Variants in ZNF845 observed in about 807,000 individuals in gnomAD.
The protein encoded by ZNF845 is zinc finger protein 845.
A neutral mutation model predicts 76.1 loss-of-function variants in ZNF845; 59 were observed. That is an observed-to-expected ratio of 0.78 (90% confidence interval 0.63 to 0.96). The LOEUF (loss-of-function observed/expected upper bound fraction) is 0.96, where lower values mean the gene tolerates loss of function less well. Among genes scored for constraint, ZNF845 ranks in the 40% least tolerant of loss-of-function variants. The pLI is 0.00. For missense variants in ZNF845, 1,045 were observed against 1,172.8 expected (o/e 0.89, Z 1.59); for synonymous variants, 361 against 386.9 (o/e 0.93, Z 0.78).
In ZNF845 at chr19:53,352,481, T is replaced by C; in HGVS notation, c.1806T>C (p.Asn602=). The C allele has an allele frequency of 6.2e-7, 1 of 1,612,990 alleles. No individual in the cohort carries two copies. The change falls in exon 4 of 4, where the codon AAT becomes AAC. Residue 602 remains asparagine, a synonymous_variant. Coordinates refer to ENST00000458035, the MANE Select transcript of ZNF845 (RefSeq NM_138374.3). ...TTGCAAATCATTGGAGAATCCATAA[T>C]GAAGAGAGATCGTACAAGTGTAATA... ...TTIANHWRIH[N]EERSYKCNRC...
rs1351868716 is a variant in ZNF845, at chr19:53,351,618, G to A, written c.943G>A (p.Val315Ile). The change falls in exon 4 of 4, where the codon GTA becomes ATA. Residue 315 changes from valine to isoleucine, a missense_variant. Physicochemically the swap from Val to Ile is conservative, Grantham distance 29 (BLOSUM62 3). Transcript: ENST00000458035. ...GKTFSRNSAL[V>I]IHKAIHTGEK... ...GACCTTCAGTCGAAATTCAGCCCTTGTAATTCATAAGGCAATTCATACTGG... is the reference window on the plus strand; with the variant it reads ...GACCTTCAGTCGAAATTCAGCCCTTATAATTCATAAGGCAATTCATACTGG... 4 of 1,613,854 alleles carry A rather than the reference G, an allele frequency of 2.5e-6. No individual in the cohort carries two copies. The highest frequency in any genetic ancestry group is 2.7e-5 in the African/African-American group (2 of 74,874).
intron 2 of ZNF845, among the ~76,000 whole-genome samples, chr19:53,344,934 C>T (rs941067215): frequency 3.9e-5 from 6 of 152,062 alleles, no homozygotes; most frequent in South Asian, 4.1e-4. Context: ...GCACTGTGCC[C>T]GGCTCCTGCA....
At chr19:53,349,515 G>A (rs1049728034) in intron 3 of ZNF845, among the ~76,000 whole-genome samples, 24 of 151,466 alleles carry the variant, frequency 1.6e-4, no homozygotes, top group Non-Finnish European at 2.6e-4. Flanking sequence ...TGATCTGCCC[G>A]CCTCAGCCTC....
chr19:53,340,635 G>T (rs555073384), intron 1 of ZNF845, among the ~76,000 whole-genome samples: 84 of 152,266 alleles, frequency 5.5e-4, no homozygotes, highest in African/African-American at 1.9e-3. Flanking sequence ...GTTTATAAGG[G>T]TTTTAATTTG....
chr19:53,344,635 T>TTATGTTATGTTATGTTATGTTATGTTGTG (rs60902095), intron 2 of ZNF845, among the ~76,000 whole-genome samples: 1 of 145,252 alleles, frequency 6.9e-6, no homozygotes, highest in Non-Finnish European at 1.5e-5. Context: ...TTTATTTTAT[T>TTATGTTATGTTATGTTATGTTATGTTGTG]TTATTTTATT....
chr19:53,334,695 G>T (rs988882965), intron 1 of ZNF845, among the ~76,000 whole-genome samples: 2 of 149,348 alleles, frequency 1.3e-5, no homozygotes, highest in Non-Finnish European at 3.0e-5. Context: ...GAGTCCAGGA[G>T]TTCAAGACCG....
Position 53,351,792 on chromosome 19 carries a change from C to T in ZNF845, c.1117C>T (p.His373Tyr). The T allele has an allele frequency of 6.2e-7, 1 of 1,613,636 alleles. No individual in the cohort carries two copies. Among genetic ancestry groups the T allele is most frequent in the Non-Finnish European group, 8.5e-7 (1 of 1,179,914 alleles). The stretch of plus-strand genomic sequence containing the variant: ...CAGTTTCAAATCAAACCTTGAAAGA[C>T]ATAGGAAAATTCATACTGGAGAGAA... ...AFSFKSNLER[H>Y]RKIHTGEKPY... Residue 373 changes from histidine (H) to tyrosine (Y), a missense_variant, in exon 4 of 4, where the codon CAT becomes TAT. Transcript: ENST00000458035.
chr19:53,340,867 C>A, intron 1 of ZNF845: 1 of 374,594 alleles, frequency 2.7e-6, no homozygotes, highest in Non-Finnish European at 4.8e-6. Flanking sequence ...GTTGCTCCTG[C>A]CTCAAGGCGT....
chr19:53,334,132 T>C (rs1207268087), intron 1 of ZNF845, among the ~76,000 whole-genome samples: 1 of 152,168 alleles, frequency 6.6e-6, no homozygotes, highest in African/African-American at 2.4e-5. Context: ...CCCAGTCTTG[T>C]CTTAAGGCGC....
intron 1 of ZNF845, among the ~76,000 whole-genome samples, chr19:53,336,892 A>G (rs2085219274): frequency 6.6e-6 from 1 of 152,184 alleles, no homozygotes; most frequent in South Asian, 2.1e-4. Context: ...TATTTATTGG[A>G]AACCTTTAAC....
chr19:53,352,512 G>A lies in ZNF845; in HGVS notation c.1837G>A (p.Gly613Ser). 6.2e-7 allele frequency: 1 copy of A among 1,608,692 alleles called. No individual in the cohort carries two copies. Among genetic ancestry groups the A allele is most frequent in the Non-Finnish European group, 8.5e-7 (1 of 1,177,246 alleles). ...GAGATCGTACAAGTGTAATAGATGT[G>A]GCAAATTTTTCAGACATCGTTCATA... ...EERSYKCNRC[G>S]KFFRHRSYLA... Residue 613 changes from glycine to serine, a missense_variant, in exon 4 of 4, where the codon GGC becomes AGC. Transcript: ENST00000458035.
rs991475711 is a variant in ZNF845, at chr19:53,351,611, A to G, written c.936A>G (p.Ser312=). Residue 312 remains serine, a synonymous_variant, in exon 4 of 4, where the codon TCA becomes TCG. Coordinates refer to ENST00000458035, the MANE Select transcript of ZNF845 (RefSeq NM_138374.3). ...SECGKTFSRN[S]ALVIHKAIHT... The stretch of plus-strand genomic sequence containing the variant: ...GTGGCAAGACCTTCAGTCGAAATTC[A>G]GCCCTTGTAATTCATAAGGCAATTC... 2 of 1,613,966 alleles carry G rather than the reference A, an allele frequency of 1.2e-6. No individual in the cohort carries two copies. The highest frequency in any genetic ancestry group is 1.3e-5 in the African/African-American group (1 of 74,922).
chr19:53,337,147 T>C (rs1253129574), intron 1 of ZNF845: 1 of 456,812 alleles, frequency 2.2e-6, no homozygotes, highest in East Asian at 6.9e-5. Context: ...TCATATTTGC[T>C]TTTCTCTTTT....
chr19:53,343,967 C>A (rs143403102), intron 2 of ZNF845, among the ~76,000 whole-genome samples: 2 of 152,088 alleles, frequency 1.3e-5, no homozygotes. Flanking sequence ...CCACAGGTGC[C>A]TGCCACCATG....
At position 53,345,523 on chromosome 19, in the gene ZNF845, G is replaced by T. The variant is rs1050253383; in HGVS notation, c.33G>T (p.Arg11Ser). The T allele has an allele frequency of 5.6e-6, 9 of 1,613,338 alleles. No homozygotes were observed. The highest frequency in any genetic ancestry group is 6.8e-6 in the Non-Finnish European group (8 of 1,179,560). Residue 11 changes from arginine to serine, a missense_variant, in exon 3 of 4, where the codon AGG becomes AGT. Transcript: ENST00000458035. MALSQGLLTF[R>S]DVAIEFSQEE... ...CATTTCAGGGTCTATTGACATTCAGGGATGTGGCCATAGAATTCTCTCAGG... is the reference window on the plus strand; with the variant it reads ...CATTTCAGGGTCTATTGACATTCAGTGATGTGGCCATAGAATTCTCTCAGG...
At chr19:53,346,341 AGTGCCGTATGTGATCTTGGCTCACC>A (rs1311110266) in intron 3 of ZNF845, 1 of 426,772 alleles carries the variant, frequency 2.3e-6, no homozygotes, top group Non-Finnish European at 4.7e-6. Context: ...CCAAGGCAGC[AGTGCCGTATGTGATCTTGGCTCACC>A]GCAGCCGGCT....
intron 3 of ZNF845, among the ~76,000 whole-genome samples, chr19:53,347,154 G>A (rs1427522885): frequency 6.6e-6 from 1 of 152,086 alleles, no homozygotes; most frequent in Non-Finnish European, 1.5e-5. Context: ...TTAAAGTGCT[G>A]GGATTACAGG....
chr19:53,351,855 C>T lies in ZNF845; in HGVS notation c.1180C>T (p.Arg394Trp), dbSNP rs1478935278. The change falls in exon 4 of 4, where the codon CGG becomes TGG. Residue 394 changes from arginine to tryptophan, a missense_variant. By Grantham distance (101) the Arg-to-Trp change is moderately radical (BLOSUM62 -3). Coordinates refer to ENST00000458035, the MANE Select transcript of ZNF845 (RefSeq NM_138374.3). ...KCNECSRTFSRKSSLTRHRRL... is the reference protein window; with the variant it reads ...KCNECSRTFSWKSSLTRHRRL... ...TAATGAATGCAGCAGGACCTTTAGT[C>T]GGAAGTCATCCCTTACACGCCATCG... The T allele has an allele frequency of 2.0e-5, 33 of 1,613,160 alleles. No homozygotes were observed. The highest frequency in any genetic ancestry group is 4.5e-5 in the East Asian group (2 of 44,834).
Position 53,352,219 on chromosome 19 carries a change from T to C in ZNF845, c.1544T>C (p.Ile515Thr). 1 of 1,607,832 alleles carries C rather than the reference T, an allele frequency of 6.2e-7. No homozygotes were observed. The change falls in exon 4 of 4, where the codon ATA becomes ACA. Residue 515 changes from isoleucine to threonine, a missense_variant. Coordinates refer to ENST00000458035, the MANE Select transcript of ZNF845 (RefSeq NM_138374.3). ...AAATCAAACCTTGAAAGACATAGGA[T>C]AATTCATACTGGAGAGAAACTTTAC... ...SFKSNLERHR[I>T]IHTGEKLYKC...
Sources: allele counts gnomAD v4.1 joint callset (sites outside exome capture counted in the v4.1 genomes callset), GRCh38; gene constraint gnomAD v4.1.1; transcripts MANE v1.5; gene names NCBI Gene and HGNC (gene_info 2026-07-23, HGNC 2026-07-21).